The following MUC5AC variants were observed in gnomAD, a reference collection of about 807,000 sequenced individuals.
MUC5AC encodes the protein mucin 5AC, oligomeric mucus/gel-forming.
Under a neutral mutation model 169.7 loss-of-function variants are expected in MUC5AC, and 158 were observed. That is an observed-to-expected ratio of 0.93 (90% CI 0.82 to 1.06). MUC5AC has a LOEUF of 1.06. MUC5AC is among the 50% of genes least tolerant of loss of function. MUC5AC has a pLI of 0.00. For synonymous variants in MUC5AC, 1,975 were observed against 1,237.0 expected, an observed-to-expected ratio of 1.60 and a Z score of -12.52; for missense variants, 4,359 against 3,089.9, an observed-to-expected ratio of 1.41 and a Z score of -9.74.
Position 1,186,654 on chromosome 11 carries a change from A to C in MUC5AC, c.8509A>C (p.Ser2837Arg), listed in dbSNP as rs1860954214. 4.1e-6 allele frequency: 3 copies of C among 738,376 alleles called. No individual in the cohort carries two copies. The highest frequency in any genetic ancestry group is 4.9e-6 in the Non-Finnish European group (2 of 404,498). 45.7% of individuals were successfully genotyped at this position (738,376 alleles called of 1,614,324 possible). A position where few individuals can be genotyped will look rare whatever the true frequency, so the allele number is the denominator to read the frequency against. Residue 2837 changes from serine (S) to arginine (R), a missense_variant, in exon 31 of 49, where the codon AGC (serine) becomes CGC (arginine). By Grantham distance (110) the Ser-to-Arg change is moderately radical (BLOSUM62 -1). Coordinates refer to ENST00000621226, the MANE Select transcript of MUC5AC (RefSeq NM_001304359.2). ...STTSGPGTTS[S>R]PVPTTSTTSA... is the part of the protein sequence containing the mutation. ...AACTTCTGGTCCTGGAACTACTTCA[A>C]GCCCTGTTCCCACCACCAGCACAAC...
In MUC5AC at chr11:1,195,112, C is replaced by A; in HGVS notation, c.15291C>A (p.Pro5097=). 1 of 758,738 alleles carries A rather than the reference C, an allele frequency of 1.3e-6. No homozygotes were observed. Among genetic ancestry groups the A allele is most frequent in the Non-Finnish European group, 2.4e-6 (1 of 415,268 alleles). 47.0% of individuals were successfully genotyped at this position (758,738 alleles called of 1,614,324 possible). A position where few individuals can be genotyped will look rare whatever the true frequency, so the allele number is the denominator to read the frequency against. The change falls in exon 36 of 49, where the codon CCC becomes CCA. Residue 5097 remains proline, a synonymous_variant. Transcript: ENST00000621226. ...EMSGLWNVSI[P]DQPACHRPHP... is the part of the protein sequence containing the mutation. ...CCGGCCTCTGGAACGTGAGCATACC[C>A]GACCAGCCAGCCTGCCACCGGCCTC...
Position 1,197,902 on chromosome 11 carries a change from G to GC in MUC5AC, c.16035dup (p.Cys5346LeufsTer14). On this transcript the variant is annotated frameshift_variant and splice_region_variant. Coordinates refer to ENST00000621226, the MANE Select transcript of MUC5AC (RefSeq NM_001304359.2). LOFTEE classifies it high-confidence loss of function. ...TAATTGCCTCACTCCCGCCCCCGCA[G>GC]CCTGCAACACCAGCCGCTGCCCCGC... 1.4e-6 allele frequency: 1 copy of GC among 718,142 alleles called. No homozygotes were observed. The highest frequency in any genetic ancestry group is 2.5e-6 in the Non-Finnish European group (1 of 395,480). 44.5% of individuals were successfully genotyped at this position (718,142 alleles called of 1,614,324 possible). A position where few individuals can be genotyped will look rare whatever the true frequency, so the allele number is the denominator to read the frequency against.
Position 1,194,120 on chromosome 11 carries a change from C to T in MUC5AC, c.14766C>T (p.Ser4922=), listed in dbSNP as rs748060750. 2.9e-5 allele frequency: 22 copies of T among 764,732 alleles called. No individual in the cohort carries two copies. The highest frequency in any genetic ancestry group is 8.5e-5 in the African/African-American group (5 of 59,152). 47.4% of individuals were successfully genotyped at this position (764,732 alleles called of 1,614,324 possible). A position where few individuals can be genotyped will look rare whatever the true frequency, so the allele number is the denominator to read the frequency against. ...CHHYQCQCVC[S]GWGDPHYITF... is the part of the protein sequence containing the mutation. ...CCTGGGGCCTGGCAGGTGTGTGCAG[C>T]GGCTGGGGTGACCCCCACTACATCA... The change falls in exon 34 of 49, where the codon AGC becomes AGT. Residue 4922 remains serine, a synonymous_variant. Transcript: ENST00000621226.
At position 1,194,618 on chromosome 11, in the gene MUC5AC, C is replaced by T; in HGVS notation, c.15138C>T (p.Phe5046=). The part of the protein sequence containing the change: ...GVQVMFSGLI[F]SVEVPFSKFA... ...AGGTCATGTTCTCCGGCCTCATCTTCTCCGTGGAGGTGCCCTTCAGCAAGT... is the reference window on the plus strand; with the variant it reads ...AGGTCATGTTCTCCGGCCTCATCTTTTCCGTGGAGGTGCCCTTCAGCAAGT... Residue 5046 remains phenylalanine, a synonymous_variant, in exon 35 of 49, where the codon TTC becomes TTT. Coordinates refer to ENST00000621226, the MANE Select transcript of MUC5AC (RefSeq NM_001304359.2). The T allele has an allele frequency of 2.6e-6, 2 of 764,518 alleles. No individual in the cohort carries two copies. The highest frequency in any genetic ancestry group is 4.5e-4 in the Middle Eastern group (2 of 4,434). The allele number at this position is 764,518 out of a possible 1,614,324, so 47.4% of individuals were successfully genotyped here. A position where few individuals can be genotyped will look rare whatever the true frequency, so the allele number is the denominator to read the frequency against.
At chr11:1,166,440 C>T (rs1261779101) in intron 11 of MUC5AC, among the ~76,000 whole-genome samples, 2 of 125,364 alleles carry the variant, frequency 1.6e-5, no homozygotes, top group Non-Finnish European at 3.4e-5. Flanking sequence ...AGCCTGCACC[C>T]AACACACAGT....
intron 33 of MUC5AC, among the ~76,000 whole-genome samples, 171 bp downstream of exon 33, chr11:1,193,830 G>T (rs2075842): frequency 3.3e-5 from 5 of 152,120 alleles, no homozygotes; most frequent in South Asian, 2.1e-4. Context: ...GAGCCTCCCC[G>T]CTTAGGGGTG....
Position 1,177,020 on chromosome 11 carries a change from G to A in MUC5AC, c.2747G>A (p.Gly916Glu). 2.5e-6 allele frequency: 1 copy of A among 398,974 alleles called. No homozygotes were observed. 24.7% of individuals were successfully genotyped at this position (398,974 alleles called of 1,614,324 possible). ...GACGGCCACTACCTCACCTTCGACG[G>A]ACAGAGCTACAGCTTCAACGGAGAC... ...YGDGHYLTFD[G>E]QSYSFNGDCE... Residue 916 changes from glycine (G) to glutamate (E), a missense_variant, in exon 22 of 49, where the codon GGA becomes GAA. By Grantham distance (98) the Gly-to-Glu change is moderately conservative. Coordinates refer to ENST00000621226, the MANE Select transcript of MUC5AC (RefSeq NM_001304359.2).
At chr11:1,199,578 G>T (rs140281453) in intron 46 of MUC5AC, 88 bp downstream of exon 46, 8 of 692,352 alleles carry the variant, frequency 1.2e-5, no homozygotes, top group East Asian at 2.7e-5. Flanking sequence ...AGCGCCAGCA[G>T]ACACCCCCTC....
chr11:1,171,011 TTCACCCATTCACCCACTCAC>T (rs1860503049), intron 15 of MUC5AC, among the ~76,000 whole-genome samples: 1 of 53,014 alleles, frequency 1.9e-5, no homozygotes, highest in African/African-American at 9.0e-5. Context: ...CACTCACCCA[TTCACCCATTCACCCACTCAC>T]TCACCCACTC....
chr11:1,191,585 T>C lies in MUC5AC; in HGVS notation c.13440T>C (p.Thr4480=), dbSNP rs796469267. Residue 4480 remains threonine, a synonymous_variant, in exon 31 of 49, where the codon ACT becomes ACC. Transcript: ENST00000621226. ...ITSMTSGPGT[T]PSPVPTTSTT... Reference sequence around the variant, plus strand: ...GCATGACCTCTGGTCCTGGAACTACTCCCAGCCCTGTTCCCACCACCAGCA... The same window carrying C: ...GCATGACCTCTGGTCCTGGAACTACCCCCAGCCCTGTTCCCACCACCAGCA... 4.1e-6 allele frequency: 3 copies of C among 735,044 alleles called. No individual in the cohort carries two copies. Among genetic ancestry groups the C allele is most frequent in the Non-Finnish European group, 7.4e-6 (3 of 407,694 alleles). 45.5% of individuals were successfully genotyped at this position (735,044 alleles called of 1,614,324 possible).
In MUC5AC at chr11:1,199,361, C is replaced by G; in HGVS notation, c.16396-10C>G. On this transcript the variant is annotated splice_polypyrimidine_tract_variant and intron_variant, in intron 45 of 48. Coordinates refer to ENST00000621226, the MANE Select transcript of MUC5AC (RefSeq NM_001304359.2). Reference sequence around the variant, plus strand: ...AGGGTCACTCACCCCGGGGCCTGGCCTCCCTCCAGCCCGGCGAGACCTGGT... The same window carrying G: ...AGGGTCACTCACCCCGGGGCCTGGCGTCCCTCCAGCCCGGCGAGACCTGGT... 1.4e-6 allele frequency: 1 copy of G among 708,982 alleles called. No homozygotes were observed. The highest frequency in any genetic ancestry group is 2.6e-6 in the Non-Finnish European group (1 of 388,812). The allele number at this position is 708,982 out of a possible 1,614,324, so 43.9% of individuals were successfully genotyped here. A position where few individuals can be genotyped will look rare whatever the true frequency, so the allele number is the denominator to read the frequency against.
Position 1,177,651 on chromosome 11 carries a change from G to T in MUC5AC, c.3087+18G>T, listed in dbSNP as rs983312349. ...AGTTCAAGGTGAGACCACGCCCCTC[G>T]TCCAGGCCAGGGCCGGCTGGAAACC... On this transcript the variant is annotated intron_variant, in intron 24 of 48. Transcript: ENST00000621226. 1 of 398,538 alleles carries T rather than the reference G, an allele frequency of 2.5e-6. No homozygotes were observed. The highest frequency in any genetic ancestry group is 1.3e-4 in the South Asian group (1 of 7,850). The allele number at this position is 398,538 out of a possible 1,614,324, so 24.7% of individuals were successfully genotyped here.
chr11:1,169,119 G>T lies in MUC5AC; in HGVS notation c.1870+93G>T, dbSNP rs115991958. The T allele has an allele frequency of 6.3e-4, 905 of 1,430,018 alleles. 6 individuals carry two copies. The African/African-American group carries it at 0.012, about 19-fold the overall frequency. 88.6% of individuals were successfully genotyped at this position (1,430,018 alleles called of 1,614,324 possible). ...CTGCAGGCAGCGAGGCCGGCCCTGC[G>T]TGTGCCTGTGAGCCGGGTGGGGTGG... is the stretch of plus-strand genomic sequence containing the variant. On this transcript the variant is annotated intron_variant, in intron 15 of 48. Coordinates refer to ENST00000621226, the MANE Select transcript of MUC5AC (RefSeq NM_001304359.2).
intron 41 of MUC5AC, 63 bp downstream of exon 41, chr11:1,197,702 C>T: frequency 4.7e-6 from 3 of 643,334 alleles, no homozygotes; most frequent in Non-Finnish European, 8.5e-6. Flanking sequence ...CCCACTCGGC[C>T]CGGACTTTGC....
At chr11:1,163,826 CTGGGCTG>C in intron 6 of MUC5AC, 49 bp from the exon 7 acceptor site, 1 of 1,411,794 alleles carries the variant, frequency 7.1e-7, no homozygotes, top group Non-Finnish European at 9.8e-7. Flanking sequence ...TGCTCGGGTG[CTGGGCTG>C]ACGGGTACCG....
Position 1,189,676 on chromosome 11 carries a change from C to G in MUC5AC, c.11531C>G (p.Thr3844Arg). The change falls in exon 31 of 49, where the codon ACA becomes AGA. Residue 3844 changes from threonine (T) to arginine (R), a missense_variant. Physicochemically the swap from Thr to Arg is moderately conservative, Grantham distance 71. Transcript: ENST00000621226. ...ACAACCAGCACAACTTCTGCCCCTACAACCAGCACAACCTCCACTCCACAG... is the reference window on the plus strand; with the variant it reads ...ACAACCAGCACAACTTCTGCCCCTAGAACCAGCACAACCTCCACTCCACAG... ...APTTSTTSAP[T>R]TSTTSTPQTS... is the part of the protein sequence containing the mutation. 2 of 627,572 alleles carry G rather than the reference C, an allele frequency of 3.2e-6. No individual in the cohort carries two copies. Among genetic ancestry groups the G allele is most frequent in the Admixed American group, 5.3e-5 (2 of 37,932 alleles). 38.9% of individuals were successfully genotyped at this position (627,572 alleles called of 1,614,324 possible). A position where few individuals can be genotyped will look rare whatever the true frequency, so the allele number is the denominator to read the frequency against.
In MUC5AC at chr11:1,196,473, C is replaced by T. The variant is rs773274173; in HGVS notation, c.15723C>T (p.Leu5241=). ...GCTACGGGAATGACAGCGCCAGCCT[C>T]GGGTAGGCACCCTCCCTCCTGGCCC... ...SYCYGNDSAS[L]GALPEAGPIT... Residue 5241 remains leucine (L), a splice_region_variant and synonymous_variant, in exon 38 of 49, where the codon CTC becomes CTT. Coordinates refer to ENST00000621226, the MANE Select transcript of MUC5AC (RefSeq NM_001304359.2). 13 of 764,922 alleles carry T rather than the reference C, an allele frequency of 1.7e-5. No individual in the cohort carries two copies. Among genetic ancestry groups the T allele is most frequent in the Non-Finnish European group, 2.2e-5 (9 of 417,828 alleles). 47.4% of individuals were successfully genotyped at this position (764,922 alleles called of 1,614,324 possible).
In MUC5AC at chr11:1,190,888, G is replaced by T; in HGVS notation, c.12743G>T (p.Ser4248Ile). 2.7e-6 allele frequency: 2 copies of T among 738,622 alleles called. No homozygotes were observed. Among genetic ancestry groups the T allele is most frequent in the East Asian group, 2.5e-5 (1 of 40,052 alleles). 45.8% of individuals were successfully genotyped at this position (738,622 alleles called of 1,614,324 possible). ...TTSTTSAPTTSTTSGPGTTPS... is the reference protein window; with the variant it reads ...TTSTTSAPTTITTSGPGTTPS... ...AGCACAACTTCTGCTCCTACAACCA[G>T]CACAACCTCTGGTCCTGGAACTACT... The change falls in exon 31 of 49, where the codon AGC (serine) becomes ATC (isoleucine). Residue 4248 changes from serine to isoleucine, a missense_variant. Transcript: ENST00000621226.
In MUC5AC at chr11:1,190,550, C is replaced by A. The variant is rs1268075625; in HGVS notation, c.12405C>A (p.Thr4135=). The change falls in exon 31 of 49, where the codon ACC becomes ACA. Residue 4135 remains threonine (T), a synonymous_variant. Coordinates refer to ENST00000621226, the MANE Select transcript of MUC5AC (RefSeq NM_001304359.2). ...CCAGCACAACCTCTGCCCCTACAACCAGCACGACCTCAGCTCCTACACACA... is the reference window on the plus strand; with the variant it reads ...CCAGCACAACCTCTGCCCCTACAACAAGCACGACCTCAGCTCCTACACACA... ...PTTSTTSAPT[T]STTSAPTHRT... 12 of 696,908 alleles carry A rather than the reference C, an allele frequency of 1.7e-5. No individual in the cohort carries two copies. Among genetic ancestry groups the A allele is most frequent in the Non-Finnish European group, 3.1e-5 (12 of 381,590 alleles). The allele number at this position is 696,908 out of a possible 1,614,324, so 43.2% of individuals were successfully genotyped here. A position where few individuals can be genotyped will look rare whatever the true frequency, so the allele number is the denominator to read the frequency against.
Sources: gnomAD v4.1 joint callset for allele counts (sites outside exome capture counted in the v4.1 genomes callset) on GRCh38, gnomAD v4.1.1 for gene constraint, MANE v1.5 for transcripts, NCBI Gene and HGNC (gene_info 2026-07-23, HGNC 2026-07-21) for gene names.